KIAA2012: variants seen among roughly 807,000 people sequenced by gnomAD.
KIAA2012 encodes the protein uncharacterized protein KIAA2012.
KIAA2012 carries 125 observed loss-of-function variants against 150.6 expected under a neutral mutation model. The ratio of observed to expected loss-of-function variants is 0.83; its 90% CI spans 0.72 to 0.96. The LOEUF (loss-of-function observed/expected upper bound fraction) is 0.96, where lower values mean the gene tolerates loss of function less well. Ranked by LOEUF, KIAA2012 falls within the 40% of genes least tolerant of loss-of-function variation. KIAA2012 has a pLI of 0.00. For missense variants in KIAA2012, 1,219 were observed against 1,354.9 expected (o/e 0.90, Z 1.57); for synonymous variants, 462 against 504.7 (o/e 0.92, Z 1.13).
intron 2 of KIAA2012, among the ~76,000 whole-genome samples, chr2:202,081,543 C>CTT (rs71025274): frequency 2.0e-4 from 22 of 112,746 alleles, no homozygotes; most frequent in South Asian, 5.4e-4. Flanking sequence ...TTTTTAAACA[C>CTT]TTTTTTTTTT....
intron 12 of KIAA2012, among the ~76,000 whole-genome samples, chr2:202,132,060 C>T (rs546183987): frequency 6.6e-6 from 1 of 152,214 alleles, no homozygotes; most frequent in South Asian, 2.1e-4. Context: ...CCTGTAATCT[C>T]AGCTACTCGG....
chr2:202,115,952 AC>A (rs1461513339), intron 11 of KIAA2012: 1 of 151,720 alleles, frequency 6.6e-6, no homozygotes, highest in Non-Finnish European at 1.5e-5. Flanking sequence ...CTGGAATTTG[AC>A]CCTTTTGGTC....
chr2:202,194,174 T>C lies in KIAA2012; in HGVS notation c.3015-16T>C, dbSNP rs1692367007. 1.9e-6 allele frequency: 3 copies of C among 1,550,094 alleles called. No homozygotes were observed. Among genetic ancestry groups the C allele is most frequent in the East Asian group, 4.9e-5 (2 of 40,922 alleles). On this transcript the variant is annotated splice_polypyrimidine_tract_variant and intron_variant, in intron 20 of 23. Transcript: ENST00000498697. ...GTGTTTTCTGCCATTTCCCTGACCATCTTGGGTTTTCTCAGCTTGAGGAAA... is the reference window on the plus strand; with the variant it reads ...GTGTTTTCTGCCATTTCCCTGACCACCTTGGGTTTTCTCAGCTTGAGGAAA...
chr2:202,163,491 A>G (rs372729348), intron 14 of KIAA2012, among the ~76,000 whole-genome samples: 2 of 152,270 alleles, frequency 1.3e-5, no homozygotes, highest in African/African-American at 4.8e-5. Flanking sequence ...TCAAATTAAG[A>G]CTATTTCTTT....
chr2:202,139,676 G>A (rs1244432021), intron 13 of KIAA2012, among the ~76,000 whole-genome samples: 1 of 152,248 alleles, frequency 6.6e-6, no homozygotes, highest in Non-Finnish European at 1.5e-5. Context: ...GTGAAACGCA[G>A]CTGAGCGGCT....
Position 202,105,741 on chromosome 2 carries a change from G to C in KIAA2012, c.1325-20G>C. 1 of 1,547,678 alleles carries C rather than the reference G, an allele frequency of 6.5e-7. No homozygotes were observed. The highest frequency in any genetic ancestry group is 8.7e-7 in the Non-Finnish European group (1 of 1,144,972). ...AACAACAGACCTCTGCTACAATTCA[G>C]CCTCCTCTTTGTCTCCTAGGTGCTC... On this transcript the variant is annotated intron_variant, in intron 8 of 23. Transcript: ENST00000498697.
chr2:202,180,859 T>C (rs1024015719), intron 15 of KIAA2012, among the ~76,000 whole-genome samples: 8 of 152,212 alleles, frequency 5.3e-5, no homozygotes, highest in African/African-American at 1.9e-4. Context: ...TTCAAGGATA[T>C]TCTATGCAAA....
chr2:202,160,156 A>G (rs1015356941), intron 14 of KIAA2012, among the ~76,000 whole-genome samples: 1 of 152,070 alleles, frequency 6.6e-6, no homozygotes, highest in South Asian at 2.1e-4. Flanking sequence ...TCCCCACAAT[A>G]TCAGAGATCT....
chr2:202,143,110 A>C (rs1447892654), intron 13 of KIAA2012, among the ~76,000 whole-genome samples: 2 of 138,662 alleles, frequency 1.4e-5, no homozygotes, highest in Non-Finnish European at 3.0e-5. Flanking sequence ...TTTGAGATAG[A>C]GTCTTGCTCT....
rs763611641 is a variant in KIAA2012, at chr2:202,125,271, A to C, written c.1820A>C (p.His607Pro). 6.5e-7 allele frequency: 1 copy of C among 1,550,048 alleles called. No individual in the cohort carries two copies. Among genetic ancestry groups the C allele is most frequent in the Non-Finnish European group, 8.7e-7 (1 of 1,146,578 alleles). ...GAAGAGGAAGGGCCTAGTAGTCAGCATTTCCTAAAAGGTAAGCTTTTCCAC... is the reference window on the plus strand; with the variant it reads ...GAAGAGGAAGGGCCTAGTAGTCAGCCTTTCCTAAAAGGTAAGCTTTTCCAC... ...SHEEEGPSSQ[H>P]FLKANTEPRA... Residue 607 changes from histidine to proline, a missense_variant, in exon 12 of 24, where the codon CAT becomes CCT. Physicochemically the swap from His to Pro is moderately conservative, Grantham distance 77. Transcript: ENST00000498697.
chr2:202,157,092 C>CA (rs1240398422), intron 14 of KIAA2012, among the ~76,000 whole-genome samples: 1 of 152,188 alleles, frequency 6.6e-6, no homozygotes, highest in Non-Finnish European at 1.5e-5. Flanking sequence ...AATGGCAACT[C>CA]AGCCTGCTTC....
At chr2:202,195,370 T>C (rs1346495071) in intron 21 of KIAA2012, among the ~76,000 whole-genome samples, 3 of 151,734 alleles carry the variant, frequency 2.0e-5, no homozygotes, top group Non-Finnish European at 4.4e-5. Flanking sequence ...ATACAAAAAT[T>C]AGCTGGGTGT....
intron 22 of KIAA2012, among the ~76,000 whole-genome samples, chr2:202,200,707 CT>C (rs3068268): frequency 5.2e-4 from 65 of 124,260 alleles, no homozygotes; most frequent in South Asian, 2.0e-3. Context: ...AATTTTGGAA[CT>C]TTTTTTTTTT....
intron 1 of KIAA2012, 31 bp from the exon 2 acceptor site, chr2:202,074,860 G>T (rs1384402667): frequency 2.6e-6 from 4 of 1,518,852 alleles, no homozygotes; most frequent in African/African-American, 2.8e-5. Context: ...TTCCACAGTG[G>T]CTCCGTCAAA....
intron 12 of KIAA2012, among the ~76,000 whole-genome samples, chr2:202,133,612 C>G (rs537048927): frequency 6.6e-6 from 1 of 152,164 alleles, no homozygotes; most frequent in Non-Finnish European, 1.5e-5. Context: ...CTACTTGACT[C>G]CCTAGTTAGA....
intron 15 of KIAA2012, among the ~76,000 whole-genome samples, chr2:202,183,476 ATTT>A (rs71406950): frequency 4.0e-4 from 38 of 95,838 alleles, no homozygotes; most frequent in African/African-American, 1.3e-3. Flanking sequence ...GGTTTTTTAA[ATTT>A]TTTTTTTTTT....
At chr2:202,179,207 T>A (rs1287822711) in intron 15 of KIAA2012, 1 of 621,794 alleles carries the variant, frequency 1.6e-6, no homozygotes, top group Non-Finnish European at 3.0e-6. Flanking sequence ...CTGATTCAAA[T>A]TGGTACAAAT....
chr2:202,188,104 C>G, intron 17 of KIAA2012, 48 bp from the exon 18 acceptor site: 1 of 1,434,650 alleles, frequency 7.0e-7, no homozygotes, highest in Non-Finnish European at 9.5e-7. Flanking sequence ...TGGATTTTTT[C>G]ATTTCCTATA....
At position 202,194,361 on chromosome 2, in the gene KIAA2012, C is replaced by T. The variant is rs150204206; in HGVS notation, c.3186C>T (p.Ala1062=). ...AGCAGCAGGAGGAAGCCGAGAGGGC[C>T]GGTGAGGGGGTTCTTGAGCTCTTTG... ...RKKQQEEAER[A]EAEKQRQEEL... The change falls in exon 21 of 24, where the codon GCC becomes GCT. Residue 1062 remains alanine (A), a splice_region_variant and synonymous_variant. Coordinates refer to ENST00000498697, the MANE Select transcript of KIAA2012 (RefSeq NM_001277372.4). The T allele has an allele frequency of 1.9e-5, 29 of 1,549,578 alleles. No homozygotes were observed. Among genetic ancestry groups the T allele is most frequent in the East Asian group, 2.4e-5 (1 of 40,914 alleles).
Sources: gnomAD v4.1 joint callset for allele counts (sites outside exome capture counted in the v4.1 genomes callset) on GRCh38, gnomAD v4.1.1 for gene constraint, MANE v1.5 for transcripts, NCBI Gene and HGNC (gene_info 2026-07-23, HGNC 2026-07-21) for gene names.